Variants in RPS6KC1 observed in about 807,000 individuals in gnomAD.
RPS6KC1 encodes inactive ribosomal protein S6 kinase delta-1.
A neutral mutation model predicts 103.8 loss-of-function variants in RPS6KC1; 54 were observed. The observed-to-expected ratio is 0.52, with a 90% CI of 0.42 to 0.65. RPS6KC1 has a LOEUF of 0.65. RPS6KC1 is among the 30% of genes least tolerant of loss of function. The probability of loss-of-function intolerance (pLI) is 0.00; values close to 1 mark genes in which losing one functional copy is unlikely to be tolerated. For synonymous variants in RPS6KC1, 439 were observed against 438.7 expected (o/e 1.00, Z -0.01); for missense variants, 1,151 against 1,253.8 (o/e 0.92, Z 1.24).
At chr1:213,133,078 A>T (rs2085837602) in intron 6 of RPS6KC1, among the ~76,000 whole-genome samples, 1 of 152,174 alleles carries the variant, frequency 6.6e-6, no homozygotes, top group African/African-American at 2.4e-5. Context: ...TGAACCTGAC[A>T]CTTCACTTAC....
the RPS6KC1 span, among the ~76,000 whole-genome samples, chr1:213,494,501 G>A: frequency 6.6e-6 from 1 of 152,042 alleles, no homozygotes; most frequent in East Asian, 1.9e-4. Flanking sequence ...AGGAGGCAAT[G>A]GAGAACACTA....
At chr1:213,560,504 T>C in the RPS6KC1 span, among the ~76,000 whole-genome samples, 1 of 152,144 alleles carries the variant, frequency 6.6e-6, no homozygotes, top group African/African-American at 2.4e-5. Flanking sequence ...ACCTCGGATA[T>C]ACAATCACGA....
At chr1:213,363,411 G>A in the RPS6KC1 span, among the ~76,000 whole-genome samples, 1 of 152,196 alleles carries the variant, frequency 6.6e-6, no homozygotes, top group Non-Finnish European at 1.5e-5. Context: ...GCTCTAGGAT[G>A]TCAACAAGGA....
At chr1:213,432,499 C>A in the RPS6KC1 span, among the ~76,000 whole-genome samples, 1 of 152,130 alleles carries the variant, frequency 6.6e-6, no homozygotes, top group African/African-American at 2.4e-5. Flanking sequence ...ATAAATGACA[C>A]ATTTTAAAGT....
At chr1:213,445,561 G>A in the RPS6KC1 span, among the ~76,000 whole-genome samples, 1 of 152,176 alleles carries the variant, frequency 6.6e-6, no homozygotes. Context: ...AGGAGGGAAG[G>A]GCAGGGGACT....
At position 213,247,979 on chromosome 1, in the gene RPS6KC1, G is replaced by A. The variant is rs188121691; in HGVS notation, c.2911+5321G>A. On this transcript the variant is annotated intron_variant, in intron 12 of 14. Coordinates refer to ENST00000366960, the MANE Select transcript of RPS6KC1 (RefSeq NM_012424.6). ...AAATACTTTCATTTAGAGGAATGAAGCCAAAACAACTTTTGTTTGGGGTGA... is the reference window on the plus strand; with the variant it reads ...AAATACTTTCATTTAGAGGAATGAAACCAAAACAACTTTTGTTTGGGGTGA... Among the ~76,000 whole-genome samples, 23 of 152,220 alleles carry A rather than the reference G, an allele frequency of 1.5e-4. No individual in the cohort carries two copies. In the East Asian group the frequency reaches 4.2e-3, roughly 28 times the overall value.
the RPS6KC1 span, among the ~76,000 whole-genome samples, chr1:213,642,594 G>C: frequency 5.9e-5 from 9 of 151,740 alleles, no homozygotes; most frequent in East Asian, 1.7e-3. Flanking sequence ...TCAAGCCTTT[G>C]ATTATTATCT....
chr1:213,614,526 C>G, the RPS6KC1 span, among the ~76,000 whole-genome samples: 25 of 152,376 alleles, frequency 1.6e-4, no homozygotes, highest in African/African-American at 5.5e-4. Context: ...TCCCCCTCCA[C>G]CATCTTATCT....
chr1:213,254,437 A>T (rs2094599300), intron 12 of RPS6KC1, among the ~76,000 whole-genome samples: 1 of 152,112 alleles, frequency 6.6e-6, no homozygotes, highest in Non-Finnish European at 1.5e-5. Context: ...ATGTATAGAA[A>T]GGAGAAAAGG....
the RPS6KC1 span, among the ~76,000 whole-genome samples, chr1:213,741,716 G>T: frequency 6.6e-6 from 1 of 152,038 alleles, no homozygotes; most frequent in East Asian, 1.9e-4. Flanking sequence ...TACAAGTATG[G>T]TGCCTCCGCC....
At chr1:213,458,994 G>A in the RPS6KC1 span, among the ~76,000 whole-genome samples, 4 of 152,138 alleles carry the variant, frequency 2.6e-5, no homozygotes, top group Non-Finnish European at 5.9e-5. Flanking sequence ...ATGTGCTGTT[G>A]AATTCAGTTT....
the RPS6KC1 span, among the ~76,000 whole-genome samples, chr1:213,507,548 C>A: frequency 1.3e-4 from 17 of 127,266 alleles, no homozygotes; most frequent in Non-Finnish European, 2.6e-4. Context: ...TCAACCCTCT[C>A]ATTTTTTTTT....
At chr1:213,469,919 A>G in the RPS6KC1 span, among the ~76,000 whole-genome samples, 1 of 152,168 alleles carries the variant, frequency 6.6e-6, no homozygotes, top group Non-Finnish European at 1.5e-5. Context: ...AGTACTCAGA[A>G]GGGTGAGGCA....
the RPS6KC1 span, chr1:213,819,918 C>T: frequency 6.6e-6 from 1 of 152,188 alleles, no homozygotes; most frequent in African/African-American, 2.4e-5. Context: ...ATGACCCATT[C>T]ATCCTCATTT....
chr1:213,205,546 A>ATATAT (rs2093320314), intron 8 of RPS6KC1, among the ~76,000 whole-genome samples: 3 of 108,136 alleles, frequency 2.8e-5, no homozygotes, highest in African/African-American at 3.9e-5. Context: ...TTATATATAT[A>ATATAT]GATATATATA....
At chr1:213,438,882 C>T in the RPS6KC1 span, among the ~76,000 whole-genome samples, 3 of 151,504 alleles carry the variant, frequency 2.0e-5, no homozygotes, top group African/African-American at 7.3e-5. Context: ...CAAGCTCCGC[C>T]TCCCGGGTTC....
chr1:213,553,812 G>A, the RPS6KC1 span, among the ~76,000 whole-genome samples: 2 of 152,058 alleles, frequency 1.3e-5, no homozygotes, highest in Admixed American at 1.3e-4. Context: ...ATGCTTGCTT[G>A]CTGTGTGTAT....
In RPS6KC1 at chr1:213,232,187, A is replaced by G. The variant is rs745462541; in HGVS notation, c.1157A>G (p.Asn386Ser). The G allele has an allele frequency of 5.0e-6, 8 of 1,613,946 alleles. No individual in the cohort carries two copies. Among genetic ancestry groups the G allele is most frequent in the Non-Finnish European group, 8.5e-7 (1 of 1,179,930 alleles). ...RKTIIPRCVP[N>S]MVCLHKYIIS... ...ACCATCATCCCCCGCTGTGTGCCCA[A>G]CATGGTGTGTCTGCATAAGTACATC... The change falls in exon 10 of 15, where the codon AAC (asparagine) becomes AGC (serine). Residue 386 changes from asparagine (N) to serine (S), a missense_variant. Asn to Ser is a conservative substitution (Grantham distance 46). Around this residue, in one of 3 missense-constraint regions of RPS6KC1, gnomAD observed 959 missense variants for 1,006.3 expected, o/e 0.95. Transcript: ENST00000366960.
the RPS6KC1 span, among the ~76,000 whole-genome samples, chr1:213,662,428 A>ATTTTTTTTTTTTTTTTT: frequency 1.7e-5 from 2 of 120,958 alleles, no homozygotes; most frequent in Non-Finnish European, 3.4e-5. Context: ...CACCTGGCTA[A>ATTTTTTTTTTTTTTTTT]TTTTTTTTTT....
Sources: allele counts gnomAD v4.1 joint callset (sites outside exome capture counted in the v4.1 genomes callset), GRCh38; gene constraint gnomAD v4.1.1; regional missense constraint gnomAD v4.1.1; transcripts MANE v1.5; gene names NCBI Gene and HGNC (gene_info 2026-07-23, HGNC 2026-07-21).